The following SP140 variants were observed in gnomAD, a reference collection of about 807,000 sequenced individuals.
SP140 encodes the protein SP140 nuclear body protein, also known as nuclear body protein SP140.
Under a neutral mutation model 125.0 loss-of-function variants are expected in SP140, and 81 were observed. The ratio of observed to expected loss-of-function variants is 0.65; its 90% CI spans 0.54 to 0.78. The LOEUF (loss-of-function observed/expected upper bound fraction) is 0.78, where lower values mean the gene tolerates loss of function less well. SP140 is among the 30% of genes least tolerant of loss of function. The pLI is 0.00. For missense variants in SP140, 858 were observed against 1,037.0 expected, an observed-to-expected ratio of 0.83 and a Z score of 2.37; for synonymous variants, 312 against 354.0, an observed-to-expected ratio of 0.88 and a Z score of 1.33.
intron 1 of SP140, among the ~76,000 whole-genome samples, chr2:230,209,730 C>T (rs748669086): frequency 6.6e-6 from 1 of 152,116 alleles, no homozygotes; most frequent in Non-Finnish European, 1.5e-5. Context: ...ATTTCAATAC[C>T]CCCAAATGCC....
In SP140 at chr2:230,216,900, C is replaced by T. The variant is rs995478083; in HGVS notation, c.-91+2826C>T. 2.2e-5 allele frequency: 35 copies of T among 1,613,762 alleles called. No individual in the cohort carries two copies. The highest frequency in any genetic ancestry group is 2.9e-5 in the Non-Finnish European group (34 of 1,179,920). On this transcript the variant is annotated intron_variant, in intron 3 of 4. Transcript: ENST00000456542. ...TGCATGAAGTGCTGAAAAAGAGCCT[C>T]TTCCATGGCTCTTGTCATGGTGAAC...
intron 22 of SP140, among the ~76,000 whole-genome samples, chr2:230,308,494 A>G (rs2059026734): frequency 6.6e-6 from 1 of 152,214 alleles, no homozygotes; most frequent in South Asian, 2.1e-4. Flanking sequence ...CTGACACTGG[A>G]CAGATGAGAT....
At chr2:230,233,016 A>T (rs1485351688) in intron 1 of SP140, among the ~76,000 whole-genome samples, 2 of 152,130 alleles carry the variant, frequency 1.3e-5, no homozygotes, top group Non-Finnish European at 2.9e-5. Context: ...GTTAGATTCT[A>T]TTTTGACCAT....
upstream of SP140, chr2:230,202,977 A>G (rs911527647): frequency 1.9e-6 from 1 of 528,874 alleles, no homozygotes; most frequent in East Asian, 3.4e-5. Flanking sequence ...CAACTAGATA[A>G]AGCTGGGGAA....
intron 15 of SP140, among the ~76,000 whole-genome samples, chr2:230,283,361 T>C (rs1489107038): frequency 1.3e-5 from 2 of 152,200 alleles, no homozygotes; most frequent in African/African-American, 4.8e-5. Context: ...TTTTCTCACT[T>C]AGACTTTCCA....
chr2:230,230,393 A>T (rs1371271558), intron 1 of SP140: 1 of 152,162 alleles, frequency 6.6e-6, no homozygotes, highest in Admixed American at 6.5e-5. Flanking sequence ...TACAATACTG[A>T]AGTTATCTAT....
In SP140 at chr2:230,244,944, T is replaced by C. The variant is rs189336000; in HGVS notation, c.572-44T>C. ...TGAACACCAGGATTCAGCAGGAGCA[T>C]CCTGAGGTCTGTGCTCTCATCACTG... is the stretch of plus-strand genomic sequence containing the variant. On this transcript the variant is annotated intron_variant, in intron 5 of 26. Coordinates refer to ENST00000392045, the MANE Select transcript of SP140 (RefSeq NM_007237.5). 1,390 of 1,388,018 alleles carry C rather than the reference T, an allele frequency of 1.0e-3. 2 individuals are homozygous for C. Among genetic ancestry groups the C allele is most frequent in the Middle Eastern group, 9.3e-3 (39 of 4,186 alleles). The allele number at this position is 1,388,018 out of a possible 1,614,324, so 86.0% of individuals were successfully genotyped here. A position where few individuals can be genotyped will look rare whatever the true frequency, so the allele number is the denominator to read the frequency against.
Position 230,312,826 on chromosome 2 carries a change from A to G in SP140, c.*142A>G. On this transcript the variant is annotated 3_prime_UTR_variant, in exon 27 of 27. Transcript: ENST00000392045. ...CTCTGAGCCTCCTTCATCTGCCCAA[A>G]GACAAATCCTCAAAAGGAAATTCAA... 1 of 619,548 alleles carries G rather than the reference A, an allele frequency of 1.6e-6. No individual in the cohort carries two copies. Among genetic ancestry groups the G allele is most frequent in the Non-Finnish European group, 2.9e-6 (1 of 343,886 alleles). The allele number at this position is 619,548 out of a possible 1,614,324, so 38.4% of individuals were successfully genotyped here.
chr2:230,297,320 G>A (rs1321270310), intron 21 of SP140, 101 bp from the exon 22 acceptor site: 1 of 1,374,872 alleles, frequency 7.3e-7, no homozygotes, highest in African/African-American at 1.5e-5. Flanking sequence ...TTAACAACTG[G>A]TTCCTGAATC....
At chr2:230,231,827 C>A (rs762150049) in intron 1 of SP140, among the ~76,000 whole-genome samples, 31 of 152,144 alleles carry the variant, frequency 2.0e-4, no homozygotes, top group Non-Finnish European at 3.5e-4. Context: ...CTGCCTCTGC[C>A]TCCTGAGTAG....
rs2053628312 is a variant in SP140 at position 230,269,636 on chromosome 2, A to G, written c.1327+18A>G. 1 of 1,420,096 alleles carries G rather than the reference A, an allele frequency of 7.0e-7. No homozygotes were observed. Among genetic ancestry groups the G allele is most frequent in the Non-Finnish European group, 9.7e-7 (1 of 1,035,380 alleles). The allele number at this position is 1,420,096 out of a possible 1,614,324, so 88.0% of individuals were successfully genotyped here. On this transcript the variant is annotated intron_variant, in intron 13 of 26. Transcript: ENST00000392045. ...TGTACCAGGTAATTATGACTTAAAA[A>G]TAGTGAAAACAGAAACAGAGTTCTG...
chr2:230,206,595 TTATATATATATA>T (rs56817002), intron 1 of SP140, among the ~76,000 whole-genome samples: 2,920 of 70,498 alleles, frequency 0.041, 266 homozygotes, highest in African/African-American at 0.13. Context: ...GGTCCAGATT[TTATATATATATA>T]TATATATATA....
intron 3 of SP140, among the ~76,000 whole-genome samples, chr2:230,218,912 A>T (rs2045531396): frequency 6.6e-6 from 1 of 152,164 alleles, no homozygotes; most frequent in Non-Finnish European, 1.5e-5. Flanking sequence ...TACGATAAGC[A>T]TGTTAACTAG....
chr2:230,232,989 CTG>C (rs1204772874), intron 1 of SP140, among the ~76,000 whole-genome samples: 2 of 152,054 alleles, frequency 1.3e-5, no homozygotes, highest in African/African-American at 4.8e-5. Flanking sequence ...TATTTTATCT[CTG>C]TTATGTCTCT....
the SP140 span, chr2:230,186,151 A>G: frequency 1.2e-6 from 2 of 1,613,854 alleles, no homozygotes; most frequent in Non-Finnish European, 1.7e-6. Flanking sequence ...CCCCTGGACC[A>G]AATAGACTTG....
Position 230,247,967 on chromosome 2 carries a change from C to G in SP140, c.794C>G (p.Pro265Arg). 6.2e-7 allele frequency: 1 copy of G among 1,613,752 alleles called. No homozygotes were observed. The highest frequency in any genetic ancestry group is 1.1e-5 in the South Asian group (1 of 91,060). The change falls in exon 8 of 27, where the codon CCA becomes CGA. Residue 265 changes from proline to arginine, a missense_variant. This residue lies in a region of SP140 where 791 missense variants were observed against 869.5 expected (regional missense o/e 0.91). Transcript: ENST00000392045. ...GCGGCAAGGACATACAGCACAGCAC[C>G]AGGGGAGAAACAGGGAGAGGAGGAA... is the stretch of plus-strand genomic sequence containing the variant. ...IDAARTYSTAPGEKQGEEEGR... is the reference protein window; with the variant it reads ...IDAARTYSTARGEKQGEEEGR...
intron 22 of SP140, among the ~76,000 whole-genome samples, chr2:230,307,990 TACACACACAC>T (rs139416979): frequency 5.7e-5 from 3 of 52,638 alleles, no homozygotes; most frequent in African/African-American, 1.5e-4. Context: ...TATATATATA[TACACACACAC>T]ACACACACAC....
At chr2:230,231,459 C>A (rs945790046) in intron 1 of SP140, among the ~76,000 whole-genome samples, 1 of 152,174 alleles carries the variant, frequency 6.6e-6, no homozygotes, top group Non-Finnish European at 1.5e-5. Flanking sequence ...GCAGAGGTGT[C>A]AAATTCCTCT....
At chr2:230,281,794 T>A (rs2055605355) in intron 15 of SP140, among the ~76,000 whole-genome samples, 1 of 152,234 alleles carries the variant, frequency 6.6e-6, no homozygotes, top group Non-Finnish European at 1.5e-5. Flanking sequence ...AAATTTTGTT[T>A]ATAATTCTCC....
Sources: gnomAD v4.1 joint callset for allele counts (sites outside exome capture counted in the v4.1 genomes callset) on GRCh38, gnomAD v4.1.1 for gene constraint, gnomAD v4.1.1 regional missense constraint, MANE v1.5 for transcripts, NCBI Gene and HGNC (gene_info 2026-07-23, HGNC 2026-07-21) for gene names.